RUNX3: variants seen among roughly 807,000 people sequenced by gnomAD.
RUNX3 encodes the protein RUNX family transcription factor 3.
In RUNX3, 10 loss-of-function variants were observed where a neutral mutation model predicts 27.7. That is an observed-to-expected ratio of 0.36 (90% confidence interval 0.22 to 0.61). The LOEUF (loss-of-function observed/expected upper bound fraction) is 0.61, where lower values mean the gene tolerates loss of function less well. RUNX3 is among the 20% of genes least tolerant of loss of function. The pLI is 0.72. For synonymous variants in RUNX3, 270 were observed against 269.2 expected (o/e 1.00, Z -0.03); for missense variants, 469 against 629.5 (o/e 0.75, Z 2.73).
intron 3 of RUNX3, among the ~76,000 whole-genome samples, chr1:24,908,274 A>G (rs113783688): frequency 0.032 from 4,592 of 145,304 alleles, 283 homozygotes; most frequent in African/African-American, 0.11. Flanking sequence ...GCGGTGATCC[A>G]AACCTCTACG....
chr1:24,932,078 G>C (rs1641242536), upstream of RUNX3, among the ~76,000 whole-genome samples: 4 of 152,222 alleles, frequency 2.6e-5, no homozygotes, highest in Admixed American at 6.5e-5. Context: ...AGCAGGTTGC[G>C]GGACCATGAC....
Position 24,901,845 on chromosome 1 carries a change from A to T in RUNX3, c.*277T>A. On this transcript the variant is annotated 3_prime_UTR_variant, in exon 5 of 5. Transcript: ENST00000308873. ...AGTGAGGTCCTTCCGGGGGGGTGGCAGGAGGCTGATTCCCCACAGAAGTAT... is the reference window on the plus strand; with the variant it reads ...AGTGAGGTCCTTCCGGGGGGGTGGCTGGAGGCTGATTCCCCACAGAAGTAT... 2.2e-6 allele frequency: 1 copy of T among 448,104 alleles called. No individual in the cohort carries two copies. Among genetic ancestry groups the T allele is most frequent in the Non-Finnish European group, 4.0e-6 (1 of 250,432 alleles). 27.8% of individuals were successfully genotyped at this position (448,104 alleles called of 1,614,324 possible). A position where few individuals can be genotyped will look rare whatever the true frequency, so the allele number is the denominator to read the frequency against.
intron 3 of RUNX3, among the ~76,000 whole-genome samples, chr1:24,911,472 C>T (rs1371591392): frequency 1.3e-5 from 2 of 152,342 alleles, no homozygotes; most frequent in African/African-American, 2.4e-5. Context: ...TTTCCCCCAC[C>T]CCGAGCTGCG....
intron 2 of RUNX3, among the ~76,000 whole-genome samples, chr1:24,951,771 G>A (rs1343147502): frequency 6.6e-6 from 1 of 152,202 alleles, no homozygotes; most frequent in Non-Finnish European, 1.5e-5. Context: ...CTGGGTGGGT[G>A]ACCTGAGCAG....
chr1:24,938,066 A>AATTCTTG (rs981186001), intron 2 of RUNX3, among the ~76,000 whole-genome samples: 48 of 152,310 alleles, frequency 3.2e-4, no homozygotes, highest in African/African-American at 9.6e-4. Context: ...AAAGAGTCCA[A>AATTCTTG]ATTCTTGATG....
At chr1:24,919,212 G>T in intron 3 of RUNX3, 28 bp downstream of exon 3, 1 of 1,427,636 alleles carries the variant, frequency 7.0e-7, no homozygotes, top group Non-Finnish European at 9.7e-7. Flanking sequence ...CCCCCGCGCA[G>T]GGGCTCAGGG....
chr1:24,913,482 G>T (rs868134792), intron 3 of RUNX3, among the ~76,000 whole-genome samples: 2 of 152,274 alleles, frequency 1.3e-5, no homozygotes, highest in Non-Finnish European at 2.9e-5. Flanking sequence ...AAGGTTTCAA[G>T]AATTACACAG....
At chr1:24,909,254 T>C (rs1640752797) in intron 3 of RUNX3, among the ~76,000 whole-genome samples, 1 of 152,206 alleles carries the variant, frequency 6.6e-6, no homozygotes, top group South Asian at 2.1e-4. Flanking sequence ...CACGTGAATA[T>C]TTACAAAAAT....
intron 3 of RUNX3, among the ~76,000 whole-genome samples, chr1:24,917,458 C>T (rs896147845): frequency 2.0e-5 from 3 of 152,224 alleles, no homozygotes; most frequent in African/African-American, 7.2e-5. Context: ...CTCATGGGAC[C>T]CCTCTGTGCT....
chr1:24,955,753 A>C (rs1239194660), intron 2 of RUNX3, among the ~76,000 whole-genome samples: 1 of 152,176 alleles, frequency 6.6e-6, no homozygotes, highest in African/African-American at 2.4e-5. Context: ...GGGACACTGA[A>C]AAACACTGGG....
At chr1:24,951,204 C>A (rs1324676206) in intron 2 of RUNX3, among the ~76,000 whole-genome samples, 211 of 96,308 alleles carry the variant, frequency 2.2e-3, no homozygotes, top group Middle Eastern at 5.6e-3. Flanking sequence ...GACTCCATCT[C>A]AAAAAAAAAA....
intron 2 of RUNX3, among the ~76,000 whole-genome samples, chr1:24,921,766 T>G (rs1641005199): frequency 1.3e-5 from 2 of 152,072 alleles, no homozygotes; most frequent in Admixed American, 1.3e-4. Flanking sequence ...GACGGGGAGT[T>G]TAGGCAGACA....
At chr1:24,903,301 G>A (rs115992982) in intron 4 of RUNX3, among the ~76,000 whole-genome samples, 1,539 of 152,304 alleles carry the variant, frequency 0.01, 12 homozygotes, top group Non-Finnish European at 0.015. Flanking sequence ...CTGGGTTGTG[G>A]GCACTGAGTT....
chr1:24,950,157 A>G (rs918069607), intron 2 of RUNX3, among the ~76,000 whole-genome samples: 3 of 152,220 alleles, frequency 2.0e-5, no homozygotes, highest in African/African-American at 4.8e-5. Flanking sequence ...ACCCCTTTTC[A>G]AAATGCAGGA....
At chr1:24,954,808 G>A (rs1641873193) in intron 2 of RUNX3, among the ~76,000 whole-genome samples, 1 of 152,198 alleles carries the variant, frequency 6.6e-6, no homozygotes, top group Non-Finnish European at 1.5e-5. Context: ...GGGTGCGGGA[G>A]GCCCCTGTGG....
At position 24,936,304 on chromosome 1, in the gene RUNX3, C is replaced by T. The variant is rs1046195138; in HGVS notation, c.59-6452G>A. Among the ~76,000 whole-genome samples the T allele has an allele frequency of 2.0e-5, 3 of 152,306 alleles. No homozygotes were observed. In the South Asian group the frequency reaches 6.2e-4, roughly 32 times the overall value. On this transcript the variant is annotated intron_variant, in intron 2 of 6. Transcript: ENST00000338888. ...GGAAAGAAAACTGAGGCTTAGAGAG[C>T]TCAAGTAACTTGTCCAAGTTGGCAC...
chr1:24,941,755 T>C (rs977097107), intron 2 of RUNX3, among the ~76,000 whole-genome samples: 1 of 152,174 alleles, frequency 6.6e-6, no homozygotes, highest in Non-Finnish European at 1.5e-5. Context: ...AGAGTGATGC[T>C]AGCCCTGTGT....
rs1296601851 is a variant in RUNX3, at chr1:24,902,990, C to T, written c.704-324G>A. ...CCTCGCAGAGGAGAGGCCTAGGATG[C>T]GGTGGTGGGGCTGAGGGCAGAGTCA... On this transcript the variant is annotated intron_variant, in intron 4 of 4. Transcript: ENST00000308873. The surrounding 1 kb of genome is among the most constrained non-coding windows in gnomAD (Gnocchi z 9.2). Among the ~76,000 whole-genome samples, 1 of 152,176 alleles carries T rather than the reference C, an allele frequency of 6.6e-6. No individual in the cohort carries two copies. Among genetic ancestry groups the T allele is most frequent in the African/African-American group, 2.4e-5 (1 of 41,438 alleles).
At chr1:24,959,156 C>T (rs752669559) in intron 2 of RUNX3, among the ~76,000 whole-genome samples, 4 of 152,234 alleles carry the variant, frequency 2.6e-5, no homozygotes, top group East Asian at 1.9e-4. Context: ...AGGGAGCCTC[C>T]GCTTTGATGC....
Sources: gnomAD v4.1 joint callset for allele counts (sites outside exome capture counted in the v4.1 genomes callset) on GRCh38, gnomAD v4.1.1 for gene constraint, Gnocchi (gnomAD v3.1) non-coding constraint, MANE v1.5 for transcripts, NCBI Gene and HGNC (gene_info 2026-07-23, HGNC 2026-07-21) for gene names.